The following CAMK2A variants were observed in gnomAD, a reference collection of about 807,000 sequenced individuals.
CAMK2A encodes the protein calcium/calmodulin-dependent protein kinase type II subunit alpha.
A neutral mutation model predicts 79.2 loss-of-function variants in CAMK2A; 7 were observed. The observed-to-expected ratio is 0.09, with a 90% CI of 0.05 to 0.17. CAMK2A has a LOEUF of 0.17. CAMK2A is among the 10% of genes least tolerant of loss of function. The pLI is 1.00. For synonymous variants in CAMK2A, 242 were observed against 251.7 expected (o/e 0.96, Z 0.36); for missense variants, 214 against 646.4 (o/e 0.33, Z 7.25).
At chr5:150,257,753 C>T (rs1756121705) in intron 3 of CAMK2A, 136 bp from the exon 4 acceptor site, 1 of 684,860 alleles carries the variant, frequency 1.5e-6, no homozygotes. Flanking sequence ...GTGCCAGGTG[C>T]TTTGACAAGC....
chr5:150,258,943 G>A (rs1183662009), intron 3 of CAMK2A, among the ~76,000 whole-genome samples: 2 of 152,154 alleles, frequency 1.3e-5, no homozygotes, highest in South Asian at 2.1e-4. Flanking sequence ...ACTTTGGGAG[G>A]CCGAAGCAGG....
rs1056874482 is a variant in CAMK2A, at chr5:150,289,604, G to A, written c.22C>T (p.Arg8Cys). The A allele has an allele frequency of 6.2e-7, 1 of 1,613,982 alleles. No individual in the cohort carries two copies. Among genetic ancestry groups the A allele is most frequent in the Non-Finnish European group, 8.5e-7 (1 of 1,179,902 alleles). The change falls in exon 1 of 19, where the codon CGC (arginine) becomes TGC (cysteine). Residue 8 changes from arginine to cysteine, a missense_variant. Arg to Cys is a radical substitution (Grantham distance 180). This residue lies in a region of CAMK2A where 72 missense variants were observed against 333.9 expected (regional missense o/e 0.22). Coordinates refer to ENST00000671881, the MANE Select transcript of CAMK2A (RefSeq NM_015981.4). ...AAGAGCTGGTACTCTTCCGTGAAGC[G>A]GGTGCAGGTGATGGTGGCCATCCTG... Reference protein sequence around the residue: MATITCTRFTEEYQLFEE... With the variant: MATITCTCFTEEYQLFEE...
rs1211322493 is a variant in CAMK2A, at chr5:150,250,635, G to A, written c.816+53C>T. On this transcript the variant is annotated intron_variant, in intron 10 of 18. Coordinates refer to ENST00000671881, the MANE Select transcript of CAMK2A (RefSeq NM_015981.4). ...AGGGCCAGAACTCTGTGGGGGCCTG[G>A]ATCATGAGGTCTGGAGGGGCTCCTG... The A allele has an allele frequency of 3.1e-6, 5 of 1,606,834 alleles. No individual in the cohort carries two copies. In the South Asian group the frequency reaches 4.4e-5, roughly 14 times the overall value.
At position 150,256,862 on chromosome 5, in the gene CAMK2A, A is replaced by G; in HGVS notation, c.273-31T>C. On this transcript the variant is annotated intron_variant, in intron 4 of 18. Coordinates refer to ENST00000671881, the MANE Select transcript of CAMK2A (RefSeq NM_015981.4). The surrounding 1 kb of genome is among the most constrained non-coding windows in gnomAD (Gnocchi z 4.6). ...GAGACAGGCATGGAATCACCCTCTA[A>G]TAGAGGCGACAGGTGCTGCCTCATC... The G allele has an allele frequency of 6.3e-7, 1 of 1,587,528 alleles. No individual in the cohort carries two copies. Among genetic ancestry groups the G allele is most frequent in the Non-Finnish European group, 8.6e-7 (1 of 1,157,956 alleles).
intron 15 of CAMK2A, chr5:150,238,432 A>G (rs1755182549): frequency 3.0e-6 from 1 of 331,358 alleles, no homozygotes; most frequent in African/African-American, 2.2e-5. Context: ...AGCCTGGACG[A>G]CAGAGCGAGA....
At chr5:150,279,344 T>A (rs754355341) in intron 1 of CAMK2A, among the ~76,000 whole-genome samples, 44 of 152,010 alleles carry the variant, frequency 2.9e-4, no homozygotes, top group Admixed American at 1.3e-3. Context: ...CCGAGCAGAG[T>A]TCACATTGTG....
At position 150,222,487 on chromosome 5, in the gene CAMK2A, G is replaced by T; in HGVS notation, c.*223C>A. On this transcript the variant is annotated 3_prime_UTR_variant, in exon 19 of 19. Coordinates refer to ENST00000671881, the MANE Select transcript of CAMK2A (RefSeq NM_015981.4). ...CTGAGGAAGCCCCAGCCTGGCAGGG[G>T]AGAGGGTGGGGGTGAGAGGTGGGGA... 1 of 704,948 alleles carries T rather than the reference G, an allele frequency of 1.4e-6. No individual in the cohort carries two copies. Among genetic ancestry groups the T allele is most frequent in the Non-Finnish European group, 2.6e-6 (1 of 386,762 alleles). The allele number at this position is 704,948 out of a possible 1,614,324, so 43.7% of individuals were successfully genotyped here. A position where few individuals can be genotyped will look rare whatever the true frequency, so the allele number is the denominator to read the frequency against.
intron 18 of CAMK2A, 104 bp from the exon 19 acceptor site, chr5:150,222,817 C>T: frequency 6.8e-7 from 1 of 1,474,354 alleles, no homozygotes; most frequent in Non-Finnish European, 9.5e-7. Flanking sequence ...CCTGGTGGCT[C>T]CTGCCCAGCT....
intron 12 of CAMK2A, 42 bp from the exon 13 acceptor site, chr5:150,245,243 G>T (rs1218686723): frequency 1.3e-6 from 2 of 1,599,404 alleles, no homozygotes; most frequent in Non-Finnish European, 1.7e-6. Flanking sequence ...CGCCAGGCAG[G>T]GCACCAGGGC....
intron 1 of CAMK2A, among the ~76,000 whole-genome samples, chr5:150,276,865 A>T (rs1756969153): frequency 1.3e-5 from 2 of 152,194 alleles, no homozygotes; most frequent in African/African-American, 2.4e-5. Flanking sequence ...GCAAAACTCC[A>T]TTCTAGGTAA....
At chr5:150,270,066 A>G (rs1356319939) in intron 2 of CAMK2A, among the ~76,000 whole-genome samples, 3 of 152,350 alleles carry the variant, frequency 2.0e-5, no homozygotes, top group Admixed American at 1.3e-4. Context: ...CATGTGCCCA[A>G]TGCGCCCTTA....
chr5:150,221,481 A>G lies in CAMK2A; in HGVS notation c.*1229T>C. Reference sequence around the variant, plus strand: ...GCGGCACACAGATATGGTGAGATGAAATCCTGGGAAGTTCGGTAGAGAAGA... The same window carrying G: ...GCGGCACACAGATATGGTGAGATGAGATCCTGGGAAGTTCGGTAGAGAAGA... On this transcript the variant is annotated 3_prime_UTR_variant, in exon 19 of 19. Transcript: ENST00000671881. 1 of 398,678 alleles carries G rather than the reference A, an allele frequency of 2.5e-6. No individual in the cohort carries two copies. The highest frequency in any genetic ancestry group is 4.4e-6 in the Non-Finnish European group (1 of 226,056). 24.7% of individuals were successfully genotyped at this position (398,678 alleles called of 1,614,324 possible). A position where few individuals can be genotyped will look rare whatever the true frequency, so the allele number is the denominator to read the frequency against.
chr5:150,250,936 G>A, intron 9 of CAMK2A, 126 bp from the exon 10 acceptor site: 1 of 1,074,396 alleles, frequency 9.3e-7, no homozygotes, highest in Admixed American at 2.3e-5. Flanking sequence ...ATCCACACCA[G>A]GAGGAGTTGG....
At chr5:150,233,728 C>T (rs923874517) in intron 15 of CAMK2A, among the ~76,000 whole-genome samples, 3 of 152,212 alleles carry the variant, frequency 2.0e-5, no homozygotes, top group Non-Finnish European at 4.4e-5. Flanking sequence ...TGCCCTCCTT[C>T]CCAGAAGCTG....
chr5:150,239,861 G>T (rs1156408763), intron 13 of CAMK2A, 125 bp from the exon 14 acceptor site: 1 of 825,368 alleles, frequency 1.2e-6, no homozygotes, highest in East Asian at 2.5e-5. Flanking sequence ...GTAGTCCTTT[G>T]TCGGCTTGGC....
In CAMK2A at chr5:150,220,662, A is replaced by T. The variant is rs1039291172; in HGVS notation, c.*2048T>A. The T allele has an allele frequency of 6.6e-6, 1 of 152,314 alleles. No homozygotes were observed. Among genetic ancestry groups the T allele is most frequent in the African/African-American group, 2.4e-5 (1 of 41,436 alleles). The allele number at this position is 152,314 out of a possible 1,614,324, so 9.4% of individuals were successfully genotyped here. A position where few individuals can be genotyped will look rare whatever the true frequency, so the allele number is the denominator to read the frequency against. ...GTTTTGCCCCTGGGATAATGGGATC[A>T]CTGGGCCTTACTGGGAAGCCCTCTG... is the stretch of plus-strand genomic sequence containing the variant. On this transcript the variant is annotated 3_prime_UTR_variant, in exon 19 of 19. Transcript: ENST00000671881.
intron 17 of CAMK2A, among the ~76,000 whole-genome samples, chr5:150,224,896 C>G (rs754529423): frequency 3.9e-5 from 6 of 151,962 alleles, no homozygotes; most frequent in Non-Finnish European, 7.4e-5. Flanking sequence ...AGCAGTGACT[C>G]ACTCCTGTAA....
intron 9 of CAMK2A, 49 bp downstream of exon 9, chr5:150,251,701 G>T: frequency 1.4e-6 from 2 of 1,411,148 alleles, no homozygotes; most frequent in Middle Eastern, 2.2e-4. Context: ...GGCTTTCACT[G>T]GAAGGGCACC....
rs1476102051 is a variant in CAMK2A at position 150,257,598 on chromosome 5, G to A, written c.237C>T (p.Ile79=). 6.4e-7 allele frequency: 1 copy of A among 1,572,216 alleles called. No homozygotes were observed. The highest frequency in any genetic ancestry group is 1.2e-5 in the South Asian group (1 of 85,182). The change falls in exon 4 of 19, where the codon ATC becomes ATT. Residue 79 remains isoleucine (I), a synonymous_variant. Transcript: ENST00000671881. ...TCAGGTAGTGGTGTCCCTCCTCTGAGATGCTGTCATGTAGTCGGACTGTGG... is the reference window on the plus strand; with the variant it reads ...TCAGGTAGTGGTGTCCCTCCTCTGAAATGCTGTCATGTAGTCGGACTGTGG... ...HPNIVRLHDS[I]SEEGHHYLIF...
Sources: gnomAD v4.1 joint callset for allele counts (sites outside exome capture counted in the v4.1 genomes callset) on GRCh38, gnomAD v4.1.1 for gene constraint, gnomAD v4.1.1 regional missense constraint, Gnocchi (gnomAD v3.1) non-coding constraint, MANE v1.5 for transcripts, NCBI Gene and HGNC (gene_info 2026-07-23, HGNC 2026-07-21) for gene names.